PRLR: variants seen among roughly 807,000 people sequenced by gnomAD.
The protein encoded by PRLR is prolactin receptor.
Under a neutral mutation model 40.2 loss-of-function variants are expected in PRLR, and 13 were observed. That is an observed-to-expected ratio of 0.32 (90% CI 0.21 to 0.51). The LOEUF is 0.51. PRLR is among the 20% of genes least tolerant of loss of function. The probability of loss-of-function intolerance (pLI) is 0.97; values close to 1 mark genes in which losing one functional copy is unlikely to be tolerated. For missense variants in PRLR, 656 were observed against 747.3 expected, an observed-to-expected ratio of 0.88 and a Z score of 1.42; for synonymous variants, 269 against 278.7, an observed-to-expected ratio of 0.97 and a Z score of 0.35.
At chr5:35,076,225 G>A (rs1325810461) in intron 5 of PRLR, among the ~76,000 whole-genome samples, 2 of 152,220 alleles carry the variant, frequency 1.3e-5, no homozygotes, top group African/African-American at 4.8e-5. Flanking sequence ...GGCTTCAGAC[G>A]ATTGGTAATA....
chr5:35,074,421 C>T (rs1400998725), intron 5 of PRLR, among the ~76,000 whole-genome samples: 5 of 150,986 alleles, frequency 3.3e-5, no homozygotes, highest in Non-Finnish European at 5.9e-5. Flanking sequence ...GAGATCGCAC[C>T]ATTGCACTCC....
intron 2 of PRLR, among the ~76,000 whole-genome samples, chr5:35,113,986 GT>G (rs1449559222): frequency 1.3e-5 from 2 of 152,212 alleles, no homozygotes; most frequent in Non-Finnish European, 2.9e-5. Flanking sequence ...GGATGAGGAG[GT>G]ATCAGTCTAA....
intron 2 of PRLR, among the ~76,000 whole-genome samples, chr5:35,102,492 T>TCTCCA (rs879633582): frequency 1.6e-5 from 2 of 125,236 alleles, no homozygotes; most frequent in African/African-American, 3.3e-5. Flanking sequence ...TCCCGTCTCC[T>TCTCCA]CTCCACTCCT....
chr5:35,185,436 A>G (rs532873657), intron 1 of PRLR, among the ~76,000 whole-genome samples: 4 of 152,218 alleles, frequency 2.6e-5, no homozygotes, highest in South Asian at 4.2e-4. Flanking sequence ...TTCCTAAAAA[A>G]AAAAAGCTTC....
intron 1 of PRLR, among the ~76,000 whole-genome samples, chr5:35,209,768 C>T (rs1776123419): frequency 6.6e-6 from 1 of 152,192 alleles, no homozygotes; most frequent in African/African-American, 2.4e-5. Flanking sequence ...GGTATATGGG[C>T]TTGGGCCACC....
intron 1 of PRLR, among the ~76,000 whole-genome samples, chr5:35,179,473 T>A (rs1299612079): frequency 6.6e-6 from 1 of 152,168 alleles, no homozygotes; most frequent in African/African-American, 2.4e-5. Flanking sequence ...CCTGCTCTCA[T>A]GAAGCTCCCA....
At chr5:35,153,776 C>CA (rs1491217632) in intron 1 of PRLR, among the ~76,000 whole-genome samples, 4,762 of 151,862 alleles carry the variant, frequency 0.031, 272 homozygotes, top group African/African-American at 0.11. Context: ...CACACACACA[C>CA]CCCATTGTTA....
chr5:35,159,062 A>C (rs139908950), intron 1 of PRLR, among the ~76,000 whole-genome samples: 9 of 152,344 alleles, frequency 5.9e-5, no homozygotes, highest in African/African-American at 2.2e-4. Context: ...TATAACAAGT[A>C]ACAATGAACC....
intron 1 of PRLR, among the ~76,000 whole-genome samples, chr5:35,152,459 C>CT (rs1017666140): frequency 1.3e-5 from 2 of 151,010 alleles, no homozygotes; most frequent in Admixed American, 1.3e-4. Flanking sequence ...AAATATTGCC[C>CT]CTCCCACCTT....
chr5:35,114,311 T>C (rs1485341420), intron 2 of PRLR, among the ~76,000 whole-genome samples: 1 of 152,230 alleles, frequency 6.6e-6, no homozygotes, highest in Admixed American at 6.5e-5. Context: ...TATCTTTTAA[T>C]GTAAAGTGTC....
chr5:35,056,023 C>T lies in PRLR; in HGVS notation c.*9066G>A, dbSNP rs1768692385. 3 of 152,170 alleles carry T rather than the reference C, an allele frequency of 2.0e-5. No individual in the cohort carries two copies. Among genetic ancestry groups the T allele is most frequent in the Admixed American group, 2.0e-4 (3 of 15,272 alleles). The allele number at this position is 152,170 out of a possible 1,614,324, so 9.4% of individuals were successfully genotyped here. On this transcript the variant is annotated 3_prime_UTR_variant, in exon 10 of 10. Transcript: ENST00000618457. ...TACACCAGTATTCACCAATCAACAT[C>T]CATGCGGTGTTTTATTTGACCCACA...
chr5:35,150,835 A>G lies in PRLR; in HGVS notation c.-105-32713T>C, dbSNP rs564204839. Among the ~76,000 whole-genome samples, 82 of 152,318 alleles carry G rather than the reference A, an allele frequency of 5.4e-4. 1 individual carries two copies. The highest frequency in any genetic ancestry group is 9.7e-4 in the Non-Finnish European group (66 of 68,018). On this transcript the variant is annotated intron_variant, in intron 1 of 9. Coordinates refer to ENST00000618457, the MANE Select transcript of PRLR (RefSeq NM_000949.7). ...AAAGAGACATTTTCTCCCCACAATA[A>G]TCAATGACAAAGCATCTGAAATTTT...
chr5:35,193,089 T>G (rs1775649158), intron 1 of PRLR, among the ~76,000 whole-genome samples: 1 of 152,162 alleles, frequency 6.6e-6, no homozygotes, highest in Non-Finnish European at 1.5e-5. Context: ...TCCTTCTTCT[T>G]CAGAGATGCC....
intron 6 of PRLR, among the ~76,000 whole-genome samples, chr5:35,070,869 A>T (rs1177862451): frequency 6.6e-6 from 1 of 151,676 alleles, no homozygotes; most frequent in East Asian, 1.9e-4. Flanking sequence ...AAAAAGAATA[A>T]CAAAATTAAA....
At position 35,203,958 on chromosome 5, in the gene PRLR, C is replaced by CA. The variant is rs1184763807; in HGVS notation, c.-106+26309dup. Among the ~76,000 whole-genome samples, 4 of 151,514 alleles carry CA rather than the reference C, an allele frequency of 2.6e-5. No individual in the cohort carries two copies. In the East Asian group the frequency reaches 5.8e-4, roughly 22 times the overall value. On this transcript the variant is annotated intron_variant, in intron 1 of 9. Coordinates refer to ENST00000618457, the MANE Select transcript of PRLR (RefSeq NM_000949.7). ...ATTTTTTGAGGGTCACAGTAGTCAC[C>CA]AAAAAACAAAAACAAAAACAAACCC... is the stretch of plus-strand genomic sequence containing the variant.
intron 1 of PRLR, among the ~76,000 whole-genome samples, chr5:35,134,137 C>T (rs951946104): frequency 6.6e-6 from 1 of 151,970 alleles, no homozygotes; most frequent in Admixed American, 6.6e-5. Flanking sequence ...CACTAAAGAA[C>T]TTAGGTAACC....
chr5:35,229,930 C>G (rs556536850), intron 1 of PRLR, among the ~76,000 whole-genome samples: 4 of 152,192 alleles, frequency 2.6e-5, no homozygotes, highest in African/African-American at 9.6e-5. Flanking sequence ...AACTCATGCT[C>G]AAGGATACAG....
chr5:35,053,268 C>G (rs754900153), downstream of PRLR, among the ~76,000 whole-genome samples: 1 of 152,028 alleles, frequency 6.6e-6, no homozygotes, highest in Non-Finnish European at 1.5e-5. Flanking sequence ...GTGGTGATAC[C>G]GTTGTAAAAA....
intron 1 of PRLR, among the ~76,000 whole-genome samples, chr5:35,215,866 T>TAAAAA (rs1212093418): frequency 4.5e-5 from 4 of 88,918 alleles, no homozygotes; most frequent in African/African-American, 1.5e-4. Flanking sequence ...CTGTCTCTAC[T>TAAAAA]AAAAAAAAAA....
Sources: allele counts gnomAD v4.1 joint callset (sites outside exome capture counted in the v4.1 genomes callset), GRCh38; gene constraint gnomAD v4.1.1; transcripts MANE v1.5; gene names NCBI Gene and HGNC (gene_info 2026-07-23, HGNC 2026-07-21).